Variants in OAF observed in about 807,000 individuals in gnomAD.
OAF encodes the protein out at first protein homolog.
In OAF, 13 loss-of-function variants were observed where a neutral mutation model predicts 22.5. That is an observed-to-expected ratio of 0.58 (90% CI 0.38 to 0.92). The LOEUF (loss-of-function observed/expected upper bound fraction) is 0.92. Ranked by LOEUF, OAF falls within the 40% of genes least tolerant of loss-of-function variation. The pLI is 0.00. For synonymous variants in OAF, 175 were observed against 170.5 expected, an observed-to-expected ratio of 1.03 and a Z score of -0.21; for missense variants, 347 against 381.8, an observed-to-expected ratio of 0.91 and a Z score of 0.76.
rs115962948 is a variant in OAF, at chr11:120,220,656, C to T, written c.232-5005C>T. On this transcript the variant is annotated intron_variant, in intron 1 of 3. Coordinates refer to ENST00000328965, the MANE Select transcript of OAF (RefSeq NM_178507.4). ...ACTGGGAGGGCAGTCAGAGGAGGGT[C>T]GTTTGTGAGCTGTGCCCTGCACACA... 5.6e-3 allele frequency among the ~76,000 whole-genome samples: 847 copies of T among 152,214 alleles called. 10 individuals carry two copies. Among genetic ancestry groups the T allele is most frequent in the African/African-American group, 0.019 (774 of 41,536 alleles).
chr11:120,213,032 AAGTT>A (rs1394330196), intron 1 of OAF, among the ~76,000 whole-genome samples: 1 of 151,308 alleles, frequency 6.6e-6, no homozygotes, highest in African/African-American at 2.4e-5. Context: ...TTGTCCTTGA[AAGTT>A]AGCCTTAGGC....
chr11:120,228,659 T>G (rs692804), intron 3 of OAF, among the ~76,000 whole-genome samples: 1 of 152,026 alleles, frequency 6.6e-6, no homozygotes, highest in Non-Finnish European at 1.5e-5. Context: ...GATTCCTATT[T>G]AATCTGTTTC....
intron 1 of OAF, among the ~76,000 whole-genome samples, chr11:120,224,469 G>A (rs1249343695): frequency 6.6e-6 from 1 of 152,212 alleles, no homozygotes; most frequent in Admixed American, 6.5e-5. Flanking sequence ...GGGAAAGCCT[G>A]GAGGACTCAC....
At chr11:120,224,551 A>G (rs905335109) in intron 1 of OAF, among the ~76,000 whole-genome samples, 1 of 152,176 alleles carries the variant, frequency 6.6e-6, no homozygotes, top group Admixed American at 6.5e-5. Context: ...GGGGCCACTC[A>G]GAGCCTGTTG....
intron 1 of OAF, among the ~76,000 whole-genome samples, chr11:120,216,016 A>G (rs1374673539): frequency 6.6e-6 from 1 of 152,210 alleles, no homozygotes; most frequent in Non-Finnish European, 1.5e-5. Flanking sequence ...GGAGGGAATA[A>G]GCAAGATAAG....
intron 2 of OAF, 23 bp downstream of exon 2, chr11:120,225,818 C>G (rs1331543652): frequency 6.3e-7 from 1 of 1,588,604 alleles, no homozygotes; most frequent in African/African-American, 1.4e-5. Flanking sequence ...CCAGGCCTGC[C>G]TGGCCCAGGT....
Position 120,211,408 on chromosome 11 carries a change from G to A in OAF, c.129G>A (p.Val43=). The part of the protein sequence containing the change: ...RVRVRLPDGQ[V]TEESLQADSD... ...GCGTGCGGCTGCCGGACGGCCAGGT[G>A]ACCGAGGAGAGCCTGCAGGCGGACA... The change falls in exon 1 of 4, where the codon GTG becomes GTA. Residue 43 remains valine, a synonymous_variant. Transcript: ENST00000328965. 2 of 1,529,454 alleles carry A rather than the reference G, an allele frequency of 1.3e-6. No homozygotes were observed. Among genetic ancestry groups the A allele is most frequent in the Non-Finnish European group, 1.8e-6 (2 of 1,139,516 alleles). The allele number at this position is 1,529,454 out of a possible 1,614,324, so 94.7% of individuals were successfully genotyped here.
In OAF at chr11:120,211,316, C is replaced by T; in HGVS notation, c.37C>T (p.Leu13=). The T allele has an allele frequency of 1.5e-6, 2 of 1,315,596 alleles. No homozygotes were observed. Among genetic ancestry groups the T allele is most frequent in the Non-Finnish European group, 2.0e-6 (2 of 1,017,772 alleles). 81.5% of individuals were successfully genotyped at this position (1,315,596 alleles called of 1,614,324 possible). A position where few individuals can be genotyped will look rare whatever the true frequency, so the allele number is the denominator to read the frequency against. The change falls in exon 1 of 4, where the codon CTG becomes TTG. Residue 13 remains leucine (L), a synonymous_variant. Coordinates refer to ENST00000328965, the MANE Select transcript of OAF (RefSeq NM_178507.4). ...CGGGGTACCCCTGGCGCGCCCTGCG[C>T]TGCTGCTGCTGCTGCCGCTGCTCGC... The part of the protein sequence containing the change: ...LPGVPLARPA[L]LLLLPLLAPL...
chr11:120,211,797 T>C (rs536367838), intron 1 of OAF, among the ~76,000 whole-genome samples: 31 of 152,106 alleles, frequency 2.0e-4, no homozygotes, highest in Non-Finnish European at 4.1e-4. Flanking sequence ...TGGACTCCCT[T>C]CTTGGAGTCA....
rs543268659 is a variant in OAF, at chr11:120,216,757, G to A, written c.231+5247G>A. On this transcript the variant is annotated intron_variant, in intron 1 of 3. Transcript: ENST00000328965. ...GATCCTGCTGGGAAGCTGGTGGGGA[G>A]AGTGAGTTAGTTCCCTCCCAGGCTT... is the stretch of plus-strand genomic sequence containing the variant. 3.9e-5 allele frequency among the ~76,000 whole-genome samples: 6 copies of A among 152,342 alleles called. No individual in the cohort carries two copies. In the South Asian group the frequency reaches 1.2e-3, roughly 32 times the overall value.
At chr11:120,227,782 G>A (rs1938380252) in intron 3 of OAF, among the ~76,000 whole-genome samples, 1 of 152,120 alleles carries the variant, frequency 6.6e-6, no homozygotes, top group East Asian at 1.9e-4. Flanking sequence ...TGAAATGCCT[G>A]CTCCTCCCAG....
At chr11:120,225,593 A>T in intron 1 of OAF, 68 bp from the exon 2 acceptor site, 1 of 1,436,218 alleles carries the variant, frequency 7.0e-7, no homozygotes, top group South Asian at 1.4e-5. Context: ...GGCCAAGCTG[A>T]GCACCCGGTG....
chr11:120,227,909 C>T (rs1248923569), intron 3 of OAF, among the ~76,000 whole-genome samples: 1 of 152,084 alleles, frequency 6.6e-6, no homozygotes, highest in Admixed American at 6.5e-5. Context: ...AAGTGTCCTC[C>T]AGAAGCTGGC....
chr11:120,226,525 A>G (rs970915273), intron 2 of OAF, among the ~76,000 whole-genome samples: 2 of 151,668 alleles, frequency 1.3e-5, no homozygotes, highest in African/African-American at 4.9e-5. Context: ...TGGCCCACCC[A>G]CCTCCACCTC....
intron 1 of OAF, among the ~76,000 whole-genome samples, chr11:120,212,596 G>A (rs1286699046): frequency 1.3e-5 from 2 of 151,584 alleles, no homozygotes; most frequent in African/African-American, 2.4e-5. Context: ...GGGGCCCCGG[G>A]GACCCTTGCT....
intron 1 of OAF, among the ~76,000 whole-genome samples, chr11:120,212,320 C>T (rs1353706457): frequency 6.6e-6 from 1 of 151,670 alleles, no homozygotes; most frequent in African/African-American, 2.4e-5. Flanking sequence ...AGAGACCAGC[C>T]CGCTCTTGGT....
intron 1 of OAF, among the ~76,000 whole-genome samples, chr11:120,214,325 A>G (rs1179272527): frequency 2.6e-5 from 4 of 152,228 alleles, no homozygotes; most frequent in African/African-American, 4.8e-5. Context: ...TCTGTATTAG[A>G]TACTGTGTTA....
chr11:120,220,757 AGCATC>A (rs1938270802), intron 1 of OAF, among the ~76,000 whole-genome samples: 1 of 152,240 alleles, frequency 6.6e-6, no homozygotes, highest in Admixed American at 6.5e-5. Flanking sequence ...GGGGTGACAC[AGCATC>A]GCTCATTCTG....
intron 3 of OAF, among the ~76,000 whole-genome samples, chr11:120,227,886 G>T (rs183563523): frequency 6.6e-6 from 1 of 151,892 alleles, no homozygotes; most frequent in Admixed American, 6.5e-5. Flanking sequence ...AGACTATGCC[G>T]CAAGCTTGAC....
Sources: gnomAD v4.1 joint callset for allele counts (sites outside exome capture counted in the v4.1 genomes callset) on GRCh38, gnomAD v4.1.1 for gene constraint, MANE v1.5 for transcripts, NCBI Gene and HGNC (gene_info 2026-07-23, HGNC 2026-07-21) for gene names.